The following SLC25A20 variants were observed in gnomAD, a reference collection of about 807,000 sequenced individuals.
SLC25A20 encodes mitochondrial carnitine/acylcarnitine carrier protein.
Under a neutral mutation model 39.7 loss-of-function variants are expected in SLC25A20, and 29 were observed. The observed-to-expected ratio is 0.73, with a 90% CI of 0.54 to 1.00. SLC25A20 has a LOEUF of 1.00. SLC25A20 is among the 50% of genes least tolerant of loss of function. SLC25A20 has a pLI of 0.00. For missense variants in SLC25A20, 333 were observed against 379.9 expected, an observed-to-expected ratio of 0.88 and a Z score of 1.03; for synonymous variants, 103 against 142.2, an observed-to-expected ratio of 0.72 and a Z score of 1.96.
chr3:48,880,256 CTTTCT>C (rs1249448409), intron 3 of SLC25A20, among the ~76,000 whole-genome samples: 3 of 152,014 alleles, frequency 2.0e-5, no homozygotes, highest in African/African-American at 7.2e-5. Flanking sequence ...TGGCATCTCC[CTTTCT>C]TTTCTTTTCT....
At chr3:48,859,520 T>C (rs781709886) in intron 6 of SLC25A20, 35 bp downstream of exon 6, 1 of 1,571,814 alleles carries the variant, frequency 6.4e-7, no homozygotes, top group Non-Finnish European at 8.8e-7. Context: ...CACCCATGAC[T>C]GGGGAAAGTG....
At chr3:48,891,627 C>A (rs1413118929) in intron 2 of SLC25A20, among the ~76,000 whole-genome samples, 1 of 152,100 alleles carries the variant, frequency 6.6e-6, no homozygotes, top group Non-Finnish European at 1.5e-5. Flanking sequence ...CCTGCCTTGG[C>A]CCCCAAAGCG....
intron 4 of SLC25A20, among the ~76,000 whole-genome samples, chr3:48,867,741 C>T (rs866699233): frequency 6.0e-5 from 9 of 150,966 alleles, no homozygotes; most frequent in Middle Eastern, 3.2e-3. Flanking sequence ...TGGGATCAAG[C>T]GGAAGCACAG....
intron 1 of SLC25A20, among the ~76,000 whole-genome samples, chr3:48,897,076 CTTT>C (rs11390016): frequency 3.1e-5 from 4 of 129,590 alleles, no homozygotes; most frequent in Non-Finnish European, 4.8e-5. Flanking sequence ...TCTTCTTCTC[CTTT>C]TTTTTTTTTT....
intron 4 of SLC25A20, among the ~76,000 whole-genome samples, chr3:48,872,807 G>T (rs1020750975): frequency 1.3e-5 from 2 of 152,118 alleles, no homozygotes; most frequent in African/African-American, 4.8e-5. Context: ...AGGCTGCAGA[G>T]AGCCATGATT....
chr3:48,859,916 G>A (rs372003598), intron 5 of SLC25A20, among the ~76,000 whole-genome samples: 51 of 152,190 alleles, frequency 3.4e-4, no homozygotes, highest in African/African-American at 1.2e-3. Flanking sequence ...ACTGTAATCC[G>A]AGCACTTTGG....
intron 2 of SLC25A20, among the ~76,000 whole-genome samples, chr3:48,887,169 A>G (rs1187463293): frequency 6.6e-6 from 1 of 152,186 alleles, no homozygotes; most frequent in African/African-American, 2.4e-5. Flanking sequence ...AGCTCCCTAC[A>G]TGAGCTAAAA....
intron 1 of SLC25A20, among the ~76,000 whole-genome samples, chr3:48,898,312 CT>C (rs2083924540): frequency 1.3e-5 from 2 of 152,214 alleles, no homozygotes; most frequent in African/African-American, 4.8e-5. Flanking sequence ...AGTTGTCTTC[CT>C]GGGGCAGGCT....
chr3:48,878,299 T>A (rs1238057136), intron 4 of SLC25A20, among the ~76,000 whole-genome samples: 2 of 145,070 alleles, frequency 1.4e-5, no homozygotes, highest in African/African-American at 5.1e-5. Context: ...TATATATATA[T>A]GTATATATAT....
chr3:48,886,537 T>C (rs2083831161), intron 2 of SLC25A20, among the ~76,000 whole-genome samples: 1 of 151,272 alleles, frequency 6.6e-6, no homozygotes, highest in African/African-American at 2.4e-5. Flanking sequence ...CAAAAAATAA[T>C]AATAATAAAA....
At chr3:48,892,716 G>A (rs2106666461) in intron 1 of SLC25A20, among the ~76,000 whole-genome samples, 1 of 152,190 alleles carries the variant, frequency 6.6e-6, no homozygotes, top group Non-Finnish European at 1.5e-5. Context: ...TCACATTAGG[G>A]AGGACAATTA....
Position 48,883,977 on chromosome 3 carries a change from C to T in SLC25A20, c.326+20G>A. On this transcript the variant is annotated intron_variant, in intron 3 of 8. Transcript: ENST00000319017. ...GCTACCAGGCAGAACAGCAAGTGCT[C>T]CTGACCTGTAAGTACTCACCTGAGC... 6.2e-7 allele frequency: 1 copy of T among 1,612,364 alleles called. No homozygotes were observed. The highest frequency in any genetic ancestry group is 8.5e-7 in the Non-Finnish European group (1 of 1,179,020).
At chr3:48,861,876 A>C (rs2083630993) in intron 5 of SLC25A20, among the ~76,000 whole-genome samples, 1 of 152,026 alleles carries the variant, frequency 6.6e-6, no homozygotes, top group South Asian at 2.1e-4. Context: ...AAAATACAAA[A>C]AAATAGCCAG....
intron 6 of SLC25A20, 25 bp from the exon 7 acceptor site, chr3:48,859,226 A>G (rs752439476): frequency 6.3e-7 from 1 of 1,588,626 alleles, no homozygotes; most frequent in South Asian, 1.1e-5. Flanking sequence ...CCACAGCCCC[A>G]GTTAGACAAA....
At chr3:48,897,755 A>C (rs2083920721) in intron 1 of SLC25A20, among the ~76,000 whole-genome samples, 1 of 150,658 alleles carries the variant, frequency 6.6e-6, no homozygotes, top group African/African-American at 2.4e-5. Flanking sequence ...ATCCTAACAA[A>C]CCCCCTCACA....
chr3:48,882,864 G>A (rs2083804179), intron 3 of SLC25A20, among the ~76,000 whole-genome samples: 1 of 152,108 alleles, frequency 6.6e-6, no homozygotes, highest in Non-Finnish European at 1.5e-5. Context: ...ATTCCAGCCT[G>A]GGTGACAAAG....
chr3:48,866,111 C>A lies in SLC25A20; in HGVS notation c.418-3452G>T, dbSNP rs576723723. ...ATCATGCCACTGCACTCCAGCCTGG[C>A]GACAGAGCGAGACTCTGTCTCAAAA... On this transcript the variant is annotated intron_variant, in intron 4 of 8. Transcript: ENST00000319017. 3.0e-3 allele frequency among the ~76,000 whole-genome samples: 430 copies of A among 145,220 alleles called. 4 individuals are homozygous for A. Among genetic ancestry groups the A allele is most frequent in the African/African-American group, 0.01 (408 of 39,282 alleles).
chr3:48,877,087 C>A (rs1018007577), intron 4 of SLC25A20, among the ~76,000 whole-genome samples: 1 of 151,436 alleles, frequency 6.6e-6, no homozygotes, highest in African/African-American at 2.4e-5. Context: ...CAGAGTGAGA[C>A]CCTGTCTCAA....
intron 3 of SLC25A20, among the ~76,000 whole-genome samples, chr3:48,883,668 T>C (rs910619346): frequency 6.8e-6 from 1 of 146,096 alleles, no homozygotes; most frequent in African/African-American, 2.5e-5. Context: ...TTGCTCAGGT[T>C]GGAGTGCAGT....
Sources: allele counts gnomAD v4.1 joint callset (sites outside exome capture counted in the v4.1 genomes callset), GRCh38; gene constraint gnomAD v4.1.1; transcripts MANE v1.5; gene names NCBI Gene and HGNC (gene_info 2026-07-23, HGNC 2026-07-21).